Variants in HERC6 observed in about 807,000 individuals in gnomAD.
The protein encoded by HERC6 is probable E3 ubiquitin-protein ligase HERC6.
HERC6 carries 101 observed loss-of-function variants against 114.5 expected under a neutral mutation model. That is an observed-to-expected ratio of 0.88 (90% confidence interval 0.75 to 1.04). The LOEUF (loss-of-function observed/expected upper bound fraction) is 1.04. HERC6 is among the 50% of genes least tolerant of loss of function. The probability of loss-of-function intolerance (pLI) is 0.00; values close to 1 mark genes in which losing one functional copy is unlikely to be tolerated. For synonymous variants in HERC6, 408 were observed against 436.2 expected (o/e 0.94, Z 0.81); for missense variants, 1,133 against 1,230.9 (o/e 0.92, Z 1.19).
intron 4 of HERC6, among the ~76,000 whole-genome samples, 155 bp downstream of exon 4, chr4:88,391,034 C>T (rs1464266768): frequency 1.3e-5 from 2 of 152,316 alleles, no homozygotes; most frequent in African/African-American, 2.4e-5. Context: ...CTTGTTGTAG[C>T]GGTAACAAAT....
intron 13 of HERC6, 58 bp from the exon 14 acceptor site, chr4:88,423,802 C>A: frequency 1.4e-6 from 1 of 726,502 alleles, no homozygotes; most frequent in South Asian, 2.0e-5. Flanking sequence ...ATCTATATAT[C>A]ATAGATTAAA....
chr4:88,437,042 A>T, intron 19 of HERC6, 71 bp downstream of exon 19: 1 of 1,141,672 alleles, frequency 8.8e-7, no homozygotes, highest in Non-Finnish European at 1.2e-6. Context: ...TTATTATAGT[A>T]TCTTAAATTT....
chr4:88,415,879 C>G (rs1736429465), intron 12 of HERC6, among the ~76,000 whole-genome samples: 1 of 152,164 alleles, frequency 6.6e-6, no homozygotes, highest in Non-Finnish European at 1.5e-5. Flanking sequence ...AAATATGCCT[C>G]TTCAAGAGGT....
At position 88,393,555 on chromosome 4, in the gene HERC6, T is replaced by C. The variant is rs766265518; in HGVS notation, c.732T>C (p.Gly244=). 1.2e-6 allele frequency: 2 copies of C among 1,612,186 alleles called. No individual in the cohort carries two copies. The highest frequency in any genetic ancestry group is 1.7e-6 in the Non-Finnish European group (2 of 1,178,712). The part of the protein sequence containing the change: ...KNLGVVYISC[G]DAHTAVLTQD... The stretch of plus-strand genomic sequence containing the variant: ...TAGGTGTGGTTTATATCAGCTGTGG[T>C]GATGCACACACTGCGGTGCTTACCC... Residue 244 remains glycine, a synonymous_variant, in exon 5 of 23, where the codon GGT becomes GGC. Coordinates refer to ENST00000264346, the MANE Select transcript of HERC6 (RefSeq NM_017912.4).
intron 8 of HERC6, among the ~76,000 whole-genome samples, chr4:88,401,433 A>G (rs1735531452): frequency 6.6e-6 from 1 of 150,664 alleles, no homozygotes; most frequent in Admixed American, 6.6e-5. Context: ...CGAAGGTTGC[A>G]GTGAGCTGAG....
At position 88,397,652 on chromosome 4, in the gene HERC6, G is replaced by A. The variant is rs185019284; in HGVS notation, c.1025-490G>A. ...GTGGAGGTTGCAGTGAGCCGAGATC[G>A]TCCAGCCTGGGCAACAGGGTGAGAC... is the stretch of plus-strand genomic sequence containing the variant. On this transcript the variant is annotated intron_variant, in intron 7 of 22. Transcript: ENST00000264346. 1.5e-3 allele frequency among the ~76,000 whole-genome samples: 234 copies of A among 151,866 alleles called. 1 individual carries two copies. Among genetic ancestry groups the A allele is most frequent in the African/African-American group, 5.3e-3 (219 of 41,454 alleles).
intron 8 of HERC6, 121 bp from the exon 9 acceptor site, chr4:88,404,755 C>T: frequency 7.7e-7 from 1 of 1,291,044 alleles, no homozygotes; most frequent in South Asian, 1.6e-5. Context: ...GCTCCTCCCA[C>T]CAAATGCTAC....
chr4:88,410,678 G>C (rs941018608), intron 11 of HERC6, among the ~76,000 whole-genome samples: 4 of 152,050 alleles, frequency 2.6e-5, no homozygotes, highest in African/African-American at 9.7e-5. Flanking sequence ...CTATAGCACA[G>C]GAGGAAAAAA....
chr4:88,378,961 C>T lies in HERC6; in HGVS notation c.40C>T (p.Arg14Cys). The T allele has an allele frequency of 1.3e-6, 2 of 1,593,388 alleles. No homozygotes were observed. Among genetic ancestry groups the T allele is most frequent in the Admixed American group, 1.7e-5 (1 of 57,592 alleles). ...CWGADSRELQ[R>C]RRTAGSPGAE... is the part of the protein sequence containing the mutation. Reference sequence around the variant, plus strand: ...GGGCGCCGACTCCAGGGAGCTGCAGCGCCGGAGGACGGCGGGCAGCCCCGG... The same window carrying T: ...GGGCGCCGACTCCAGGGAGCTGCAGTGCCGGAGGACGGCGGGCAGCCCCGG... Residue 14 changes from arginine to cysteine, a missense_variant, in exon 1 of 23, where the codon CGC (arginine) becomes TGC (cysteine). Arg to Cys is a radical substitution (Grantham distance 180). Coordinates refer to ENST00000264346, the MANE Select transcript of HERC6 (RefSeq NM_017912.4).
intron 10 of HERC6, among the ~76,000 whole-genome samples, chr4:88,407,138 C>T (rs774544143): frequency 1.8e-4 from 28 of 152,098 alleles, no homozygotes; most frequent in African/African-American, 5.8e-4. Context: ...AGCGCTGTGG[C>T]GTGATCTCTG....
intron 10 of HERC6, among the ~76,000 whole-genome samples, chr4:88,408,152 G>A (rs1389399460): frequency 6.6e-6 from 1 of 152,158 alleles, no homozygotes; most frequent in African/African-American, 2.4e-5. Flanking sequence ...AAAAACAGTG[G>A]AATTGCAAAG....
chr4:88,391,984 C>T (rs1314838784), intron 4 of HERC6, among the ~76,000 whole-genome samples: 3 of 69,370 alleles, frequency 4.3e-5, no homozygotes, highest in Non-Finnish European at 8.5e-5. Flanking sequence ...CTTTCCCTTC[C>T]CTCCCCTCCC....
chr4:88,379,176 G>T (rs1349074618), intron 1 of HERC6, 56 bp downstream of exon 1: 3 of 1,364,334 alleles, frequency 2.2e-6, no homozygotes, highest in South Asian at 2.8e-5. Context: ...GGGCGCGGGG[G>T]CTTGGGTACC....
chr4:88,403,587 T>C (rs1030881054), intron 8 of HERC6, among the ~76,000 whole-genome samples: 5 of 152,014 alleles, frequency 3.3e-5, no homozygotes, highest in African/African-American at 1.2e-4. Context: ...ACCCCGTCTC[T>C]ACTAAAAATA....
chr4:88,392,667 A>G (rs1422466244), intron 4 of HERC6, among the ~76,000 whole-genome samples: 2 of 152,174 alleles, frequency 1.3e-5, no homozygotes, highest in African/African-American at 2.4e-5. Flanking sequence ...CCTGATAATA[A>G]CTACCCCAGA....
intron 13 of HERC6, among the ~76,000 whole-genome samples, chr4:88,420,749 T>G (rs7663920): frequency 2.6e-5 from 4 of 152,100 alleles, no homozygotes; most frequent in Admixed American, 2.6e-4. Flanking sequence ...CTGGGCAACA[T>G]AGTGAGACCT....
intron 6 of HERC6, among the ~76,000 whole-genome samples, chr4:88,396,425 G>C (rs1735232235): frequency 6.6e-6 from 1 of 152,100 alleles, no homozygotes; most frequent in Non-Finnish European, 1.5e-5. Flanking sequence ...TGCTTAAGTT[G>C]ATAAGACAAA....
intron 20 of HERC6, among the ~76,000 whole-genome samples, chr4:88,438,142 A>AAT: frequency 6.6e-6 from 1 of 151,976 alleles, no homozygotes; most frequent in Admixed American, 6.6e-5. Context: ...AAAAAAAAAA[A>AAT]AAAAAAGCAT....
At chr4:88,398,265 C>A (rs747506966) in intron 8 of HERC6, 56 bp downstream of exon 8, 9 of 1,099,022 alleles carry the variant, frequency 8.2e-6, no homozygotes, top group Non-Finnish European at 1.2e-5. Flanking sequence ...AGATTTCAGA[C>A]CGGTATTTGA....
Sources: gnomAD v4.1 joint callset for allele counts (sites outside exome capture counted in the v4.1 genomes callset) on GRCh38, gnomAD v4.1.1 for gene constraint, MANE v1.5 for transcripts, NCBI Gene and HGNC (gene_info 2026-07-23, HGNC 2026-07-21) for gene names.